KCNN2: variants seen among roughly 807,000 people sequenced by gnomAD.
The protein encoded by KCNN2 is potassium calcium-activated channel subfamily N member 2.
A neutral mutation model predicts 55.5 loss-of-function variants in KCNN2; 24 were observed. The observed-to-expected ratio is 0.43, with a 90% CI of 0.31 to 0.61. KCNN2 has a LOEUF of 0.61. Among genes scored for constraint, KCNN2 ranks in the 20% least tolerant of loss-of-function variants. The pLI is 0.08. For missense variants in KCNN2, 754 were observed against 853.6 expected (o/e 0.88, Z 1.45); for synonymous variants, 431 against 336.1 (o/e 1.28, Z -3.09).
chr5:114,433,069 G>A (rs890320651), intron 3 of KCNN2, among the ~76,000 whole-genome samples: 2 of 152,184 alleles, frequency 1.3e-5, no homozygotes, highest in African/African-American at 2.4e-5. Context: ...TAGTGCGGGC[G>A]CACAGCACGG....
chr5:114,324,242 T>C (rs1273512645), intron 2 of KCNN2, among the ~76,000 whole-genome samples: 1 of 152,232 alleles, frequency 6.6e-6, no homozygotes, highest in East Asian at 1.9e-4. Context: ...GGCTCCCCCT[T>C]GTCCTAATCA....
chr5:114,062,254 T>A (rs1750348027), intron 1 of KCNN2, among the ~76,000 whole-genome samples: 1 of 152,138 alleles, frequency 6.6e-6, no homozygotes, highest in African/African-American at 2.4e-5. Context: ...ACTATTACAG[T>A]AAGTATTTCT....
Position 114,241,719 on chromosome 5 carries a change from T to TAC in KCNN2, c.-185+20155_-185+20156dup, listed in dbSNP as rs1259701273. Among the ~76,000 whole-genome samples the TAC allele has an allele frequency of 1.2e-3, 128 of 104,944 alleles. 24 individuals are homozygous for TAC. The highest frequency in any genetic ancestry group is 7.8e-3 in the Admixed American group (80 of 10,208). 68.8% of individuals were successfully genotyped at this position (104,944 alleles called of 152,430 possible). A position where few individuals can be genotyped will look rare whatever the true frequency, so the allele number is the denominator to read the frequency against. ...ATATATATGTGGATATATATATATATACGTATATATATACATATATACGTA... is the reference window on the plus strand; with the variant it reads ...ATATATATGTGGATATATATATATATACACGTATATATATACATATATACGTA... On this transcript the variant is annotated intron_variant, in intron 2 of 10. Coordinates refer to the KCNN2 transcript ENST00000512097.
At chr5:114,087,567 G>T (rs778777898) in intron 1 of KCNN2, among the ~76,000 whole-genome samples, 1 of 152,008 alleles carries the variant, frequency 6.6e-6, no homozygotes, top group Non-Finnish European at 1.5e-5. Flanking sequence ...TGTCACCTTT[G>T]TCAAAGATCA....
chr5:114,318,612 A>G (rs2150028533), intron 2 of KCNN2, among the ~76,000 whole-genome samples: 1 of 151,260 alleles, frequency 6.6e-6, no homozygotes, highest in East Asian at 1.9e-4. Flanking sequence ...ATTGTATATG[A>G]TAATTCATAT....
chr5:114,359,126 G>A (rs1291009538), upstream of KCNN2, among the ~76,000 whole-genome samples: 1 of 152,148 alleles, frequency 6.6e-6, no homozygotes, highest in Non-Finnish European at 1.5e-5. Context: ...ATAAATGTCT[G>A]ATTGATTTGC....
intron 2 of KCNN2, among the ~76,000 whole-genome samples, chr5:114,228,427 A>T (rs1192612921): frequency 2.6e-5 from 4 of 151,640 alleles, no homozygotes; most frequent in African/African-American, 7.3e-5. Flanking sequence ...TTGTCAACCA[A>T]ACAGATTTTA....
intron 2 of KCNN2, among the ~76,000 whole-genome samples, chr5:114,281,605 C>G (rs1358863312): frequency 7.2e-6 from 1 of 139,104 alleles, no homozygotes; most frequent in Admixed American, 7.4e-5. Flanking sequence ...CTCTCTCTCT[C>G]TCTCCCCGCC....
rs1755374708 is a variant in KCNN2, at chr5:114,272,498, A to G, written c.-185+50933A>G. Among the ~76,000 whole-genome samples the G allele has an allele frequency of 2.6e-5, 4 of 152,038 alleles. No homozygotes were observed. The South Asian group carries it at 8.3e-4, about 32-fold the overall frequency. ...ATATGTATGTACATATCATATACAC[A>G]TACATATGTATGTACACACACAAAC... On this transcript the variant is annotated intron_variant, in intron 2 of 10. Transcript: ENST00000512097.
At chr5:114,323,063 G>C (rs1756643729) in intron 2 of KCNN2, among the ~76,000 whole-genome samples, 1 of 152,126 alleles carries the variant, frequency 6.6e-6, no homozygotes, top group African/African-American at 2.4e-5. Context: ...GCAGTATTTG[G>C]TTTTCTGTTT....
chr5:114,251,702 C>T lies in KCNN2; in HGVS notation c.-185+30137C>T, dbSNP rs12659187. ...TGAACTGTTATATTTTGCATCTTCT[C>T]ACAATTACATTGTACTTTGTTGGTT... On this transcript the variant is annotated intron_variant, in intron 2 of 10. Transcript: ENST00000512097. Among the ~76,000 whole-genome samples the T allele has an allele frequency of 2.1e-3, 322 of 151,262 alleles. 1 individual carries two copies. Among genetic ancestry groups the T allele is most frequent in the African/African-American group, 7.2e-3 (297 of 41,442 alleles).
At chr5:114,364,613 GTTC>G (rs1757547232) in intron 2 of KCNN2, among the ~76,000 whole-genome samples, 1 of 147,380 alleles carries the variant, frequency 6.8e-6, no homozygotes, top group Non-Finnish European at 1.5e-5. Flanking sequence ...GTCCTTGTGA[GTTC>G]TTTTTTTTTT....
chr5:114,101,436 T>A (rs868085687), intron 1 of KCNN2, among the ~76,000 whole-genome samples: 86 of 151,372 alleles, frequency 5.7e-4, no homozygotes, highest in African/African-American at 1.4e-3. Flanking sequence ...TTTCTTTTTT[T>A]AAAATTATTA....
At chr5:114,066,755 T>G (rs1750460875) in intron 1 of KCNN2, among the ~76,000 whole-genome samples, 2 of 152,066 alleles carry the variant, frequency 1.3e-5, no homozygotes, top group Admixed American at 1.3e-4. Flanking sequence ...AATTTTTGTG[T>G]GTTTTAGTAG....
chr5:114,453,152 C>G (rs1376198447), intron 3 of KCNN2, among the ~76,000 whole-genome samples: 1 of 152,166 alleles, frequency 6.6e-6, no homozygotes, highest in Non-Finnish European at 1.5e-5. Context: ...TAGGTGTACC[C>G]TCACACTGAG....
At chr5:114,163,085 T>G (rs1262051197) in intron 1 of KCNN2, among the ~76,000 whole-genome samples, 1 of 152,172 alleles carries the variant, frequency 6.6e-6, no homozygotes, top group Non-Finnish European at 1.5e-5. Flanking sequence ...ACCCGTCTTC[T>G]GCGTCGCTCA....
chr5:114,203,715 A>G (rs1251229975), intron 1 of KCNN2, among the ~76,000 whole-genome samples: 5 of 152,204 alleles, frequency 3.3e-5, no homozygotes, highest in Non-Finnish European at 5.9e-5. Flanking sequence ...ATCTGCCTCA[A>G]TGGCAGAGAA....
chr5:114,138,088 A>C (rs1342641890), intron 1 of KCNN2, among the ~76,000 whole-genome samples: 1 of 152,156 alleles, frequency 6.6e-6, no homozygotes, highest in Non-Finnish European at 1.5e-5. Flanking sequence ...AACATGGAGA[A>C]AATTTTAGAC....
At chr5:114,473,349 G>A in intron 5 of KCNN2, 185 bp downstream of exon 5, 1 of 584,906 alleles carries the variant, frequency 1.7e-6, no homozygotes, top group East Asian at 2.9e-5. Context: ...GGTCAGTTAG[G>A]AAGTAATTGG....
Sources: gnomAD v4.1 joint callset for allele counts (sites outside exome capture counted in the v4.1 genomes callset) on GRCh38, gnomAD v4.1.1 for gene constraint, MANE v1.5 for transcripts, NCBI Gene and HGNC (gene_info 2026-07-23, HGNC 2026-07-21) for gene names.